CDH13: variants seen among roughly 807,000 people sequenced by gnomAD.
CDH13 encodes cadherin-13.
In CDH13, 24 loss-of-function variants were observed where a neutral mutation model predicts 63.8. That is an observed-to-expected ratio of 0.38 (90% CI 0.27 to 0.53). CDH13 has a LOEUF of 0.53. CDH13 is among the 20% of genes least tolerant of loss of function. The pLI is 0.85. For synonymous variants in CDH13, 503 were observed against 355.3 expected, an observed-to-expected ratio of 1.42 and a Z score of -4.67; for missense variants, 1,049 against 903.1, an observed-to-expected ratio of 1.16 and a Z score of -2.07.
rs555535605 is a variant in CDH13, at chr16:83,169,527, CT to C, written c.483+44035del. 4.4e-4 allele frequency among the ~76,000 whole-genome samples: 66 copies of C among 149,618 alleles called. 1 individual carries two copies. Among genetic ancestry groups the C allele is most frequent in the African/African-American group, 1.4e-3 (57 of 40,660 alleles). Reference sequence around the variant, plus strand: ...GATGAAAATGATAAGGTACTGTGGCCTTTTTTTTTGCCATTTAAAAAACAGT... The same window carrying C: ...GATGAAAATGATAAGGTACTGTGGCCTTTTTTTTGCCATTTAAAAAACAGT... On this transcript the variant is annotated intron_variant, in intron 4 of 13. Coordinates refer to ENST00000567109, the MANE Select transcript of CDH13 (RefSeq NM_001257.5).
chr16:82,862,172 A>G (rs1313071426), intron 2 of CDH13, among the ~76,000 whole-genome samples: 1 of 152,122 alleles, frequency 6.6e-6, no homozygotes, highest in Non-Finnish European at 1.5e-5. Context: ...CAAACACGAC[A>G]ATTGTGTGAT....
chr16:83,189,040 T>G (rs1172022699), intron 4 of CDH13, among the ~76,000 whole-genome samples: 1 of 152,224 alleles, frequency 6.6e-6, no homozygotes, highest in Non-Finnish European at 1.5e-5. Flanking sequence ...GCATGGTGCA[T>G]TTTCTGTATT....
At chr16:82,672,823 T>C (rs569170186) in intron 1 of CDH13, among the ~76,000 whole-genome samples, 5 of 150,258 alleles carry the variant, frequency 3.3e-5, no homozygotes, top group South Asian at 4.3e-4. Context: ...ACACAAAATA[T>C]ATATATTTGG....
intron 4 of CDH13, among the ~76,000 whole-genome samples, chr16:83,170,157 C>G (rs2037858635): frequency 6.6e-6 from 1 of 152,052 alleles, no homozygotes; most frequent in African/African-American, 2.4e-5. Context: ...CATACTGTTC[C>G]AACACTCATA....
intron 1 of CDH13, among the ~76,000 whole-genome samples, chr16:82,758,768 A>G (rs764517901): frequency 1.7e-4 from 26 of 152,250 alleles, no homozygotes; most frequent in Non-Finnish European, 2.5e-4. Flanking sequence ...GGATGGGGCC[A>G]TGATTAGCCC....
rs1323689558 is a variant in CDH13, at chr16:82,949,234, C to T, written c.158-82776C>T. The stretch of plus-strand genomic sequence containing the variant: ...CAGAGTGTCTAGGGGAGGATTCGGC[C>T]TCACCTTTTTTAGGTTCTGGCAGCC... On this transcript the variant is annotated intron_variant, in intron 2 of 13. Transcript: ENST00000567109. 2.0e-5 allele frequency among the ~76,000 whole-genome samples: 3 copies of T among 152,190 alleles called. No individual in the cohort carries two copies. In the South Asian group the frequency reaches 6.2e-4, roughly 32 times the overall value.
intron 1 of CDH13, among the ~76,000 whole-genome samples, chr16:82,643,202 A>G (rs1221920723): frequency 1.3e-5 from 2 of 152,226 alleles, no homozygotes; most frequent in Non-Finnish European, 2.9e-5. Context: ...GCTAAGCTTT[A>G]TAGTATGTTA....
At chr16:83,791,584 G>A (rs1916267191) in intron 13 of CDH13, among the ~76,000 whole-genome samples, 1 of 152,046 alleles carries the variant, frequency 6.6e-6, no homozygotes, top group African/African-American at 2.4e-5. Context: ...AGGCCGAGGT[G>A]GGCGGATCAC....
intron 5 of CDH13, among the ~76,000 whole-genome samples, chr16:83,331,742 G>C (rs2090484586): frequency 6.6e-6 from 1 of 152,068 alleles, no homozygotes; most frequent in Non-Finnish European, 1.5e-5. Flanking sequence ...GTCAGAATTT[G>C]TACTTCTTAA....
intron 1 of CDH13, among the ~76,000 whole-genome samples, chr16:82,833,950 T>C (rs779960836): frequency 1.4e-4 from 22 of 152,224 alleles, no homozygotes; most frequent in Non-Finnish European, 2.9e-4. Context: ...GAGAAATGTA[T>C]TACTTACCTT....
At chr16:83,107,395 A>G (rs1299041997) in intron 3 of CDH13, among the ~76,000 whole-genome samples, 1 of 152,222 alleles carries the variant, frequency 6.6e-6, no homozygotes, top group Non-Finnish European at 1.5e-5. Context: ...TAGGTGCTCA[A>G]TAAATACTTG....
intron 5 of CDH13, among the ~76,000 whole-genome samples, chr16:83,319,977 C>G (rs2090186193): frequency 1.3e-5 from 2 of 152,150 alleles, no homozygotes; most frequent in African/African-American, 2.4e-5. Context: ...CTAAGTAATT[C>G]TAGGATTATT....
chr16:82,723,510 G>A (rs1383357985), intron 1 of CDH13, among the ~76,000 whole-genome samples: 1 of 152,128 alleles, frequency 6.6e-6, no homozygotes, highest in East Asian at 1.9e-4. Flanking sequence ...AACCTCCTGT[G>A]AAGTTCTCCA....
chr16:83,709,694 G>C (rs528340804), intron 10 of CDH13, among the ~76,000 whole-genome samples: 14 of 152,352 alleles, frequency 9.2e-5, no homozygotes, highest in African/African-American at 3.4e-4. Context: ...ATGCATGATG[G>C]TAGGAGAATG....
At chr16:83,461,410 A>T (rs2073178978) in intron 6 of CDH13, among the ~76,000 whole-genome samples, 2 of 152,202 alleles carry the variant, frequency 1.3e-5, no homozygotes, top group Admixed American at 6.5e-5. Context: ...GTTTTCTGAA[A>T]GGCATGGACA....
chr16:83,014,816 G>GTATATATATATGTA (rs1378898826), intron 2 of CDH13, among the ~76,000 whole-genome samples: 3 of 64,164 alleles, frequency 4.7e-5, no homozygotes, highest in Non-Finnish European at 5.9e-5. Context: ...ATATATATTT[G>GTATATATATATGTA]TATATATATA....
intron 5 of CDH13, among the ~76,000 whole-genome samples, chr16:83,227,669 C>T (rs1042508810): frequency 6.6e-6 from 1 of 152,080 alleles, no homozygotes; most frequent in African/African-American, 2.4e-5. Flanking sequence ...GTAAAAAGCA[C>T]GTGGGGGAGC....
At chr16:83,180,719 C>G in intron 4 of CDH13, 1 of 617,018 alleles carries the variant, frequency 1.6e-6, no homozygotes, top group Non-Finnish European at 2.8e-6. Context: ...ACTATGCATG[C>G]CAATTTTAAT....
At chr16:83,014,481 C>T (rs1212776651) in intron 2 of CDH13, among the ~76,000 whole-genome samples, 1 of 151,544 alleles carries the variant, frequency 6.6e-6, no homozygotes, top group African/African-American at 2.4e-5. Context: ...TGCCTGTAAT[C>T]TCAGCACTTT....
Sources: allele counts gnomAD v4.1 joint callset (sites outside exome capture counted in the v4.1 genomes callset), GRCh38; gene constraint gnomAD v4.1.1; transcripts MANE v1.5; gene names NCBI Gene and HGNC (gene_info 2026-07-23, HGNC 2026-07-21).